Variants in PPP2R2B observed in about 807,000 individuals in gnomAD.
PPP2R2B encodes serine/threonine-protein phosphatase 2A 55 kDa regulatory subunit B beta isoform.
In PPP2R2B, 5 loss-of-function variants were observed where a neutral mutation model predicts 46.0. The ratio of observed to expected loss-of-function variants is 0.11; its 90% confidence interval spans 0.06 to 0.23. The LOEUF (loss-of-function observed/expected upper bound fraction) is 0.23. Ranked by LOEUF, PPP2R2B falls within the 10% of genes least tolerant of loss-of-function variation. PPP2R2B has a pLI of 1.00. For missense variants in PPP2R2B, 367 were observed against 575.0 expected (o/e 0.64, Z 3.70); for synonymous variants, 215 against 206.7 (o/e 1.04, Z -0.34).
chr5:146,682,698 T>C (rs971984949), intron 5 of PPP2R2B, among the ~76,000 whole-genome samples: 2 of 152,200 alleles, frequency 1.3e-5, no homozygotes, highest in Non-Finnish European at 2.9e-5. Context: ...GCAATAGTGT[T>C]ACTATTATAG....
At chr5:146,769,592 C>T (rs772870417) in intron 2 of PPP2R2B, among the ~76,000 whole-genome samples, 23 of 152,142 alleles carry the variant, frequency 1.5e-4, no homozygotes, top group Non-Finnish European at 2.2e-4. Flanking sequence ...ATGAATGACA[C>T]GGAACATATC....
At chr5:146,928,405 C>T (rs1468086876) in intron 1 of PPP2R2B, among the ~76,000 whole-genome samples, 1 of 151,976 alleles carries the variant, frequency 6.6e-6, no homozygotes, top group Non-Finnish European at 1.5e-5. Flanking sequence ...GGGCCTCTTC[C>T]ACCTATAGGC....
intron 2 of PPP2R2B, among the ~76,000 whole-genome samples, chr5:146,868,653 C>A (rs769335086): frequency 1.2e-5 from 1 of 85,162 alleles, no homozygotes; most frequent in African/African-American, 4.2e-5. Context: ...TAACTGCTTA[C>A]GATACTGCAT....
At chr5:146,709,871 T>C (rs1179263614) in intron 2 of PPP2R2B, among the ~76,000 whole-genome samples, 1 of 152,252 alleles carries the variant, frequency 6.6e-6, no homozygotes, top group African/African-American at 2.4e-5. Flanking sequence ...TATATTCATC[T>C]AAATTCATGC....
intron 2 of PPP2R2B, among the ~76,000 whole-genome samples, chr5:146,812,813 A>ATATATG (rs1554140177): frequency 1.9e-4 from 13 of 67,708 alleles, no homozygotes; most frequent in African/African-American, 4.0e-4. Context: ...ATATATATAT[A>ATATATG]TATATATATA....
chr5:147,055,994 T>C, upstream of PPP2R2B: 10 of 1,321,316 alleles, frequency 7.6e-6, no homozygotes, highest in Non-Finnish European at 9.7e-6. Context: ...ATATAGCCTC[T>C]TCATTGGCTG....
chr5:147,036,762 G>A (rs1433901833), intron 1 of PPP2R2B, among the ~76,000 whole-genome samples: 4 of 152,078 alleles, frequency 2.6e-5, no homozygotes, highest in Non-Finnish European at 4.4e-5. Context: ...ATTATTTTAC[G>A]CATTTGGAGG....
intron 5 of PPP2R2B, among the ~76,000 whole-genome samples, chr5:146,659,135 T>A (rs908993395): frequency 6.6e-6 from 1 of 152,144 alleles, no homozygotes; most frequent in Non-Finnish European, 1.5e-5. Flanking sequence ...TTAAAAAAAA[T>A]TTGTTCACAT....
At chr5:147,072,676 C>T (rs1413942894) in intron 2 of PPP2R2B, among the ~76,000 whole-genome samples, 1 of 152,114 alleles carries the variant, frequency 6.6e-6, no homozygotes, top group Non-Finnish European at 1.5e-5. Flanking sequence ...AGTCTGATCT[C>T]GTAAAACCTG....
At chr5:146,646,377 T>C (rs1298665398) in intron 6 of PPP2R2B, among the ~76,000 whole-genome samples, 3 of 152,248 alleles carry the variant, frequency 2.0e-5, no homozygotes, top group African/African-American at 7.2e-5. Flanking sequence ...TAAATTTTCA[T>C]TTATTGCTAT....
intron 5 of PPP2R2B, among the ~76,000 whole-genome samples, chr5:146,658,444 T>C (rs1239413156): frequency 6.6e-6 from 1 of 152,166 alleles, no homozygotes. Flanking sequence ...GAGTAAGTTG[T>C]CATAAAAATG....
chr5:147,049,694 A>C (rs1295958225), intron 1 of PPP2R2B, among the ~76,000 whole-genome samples: 1 of 152,126 alleles, frequency 6.6e-6, no homozygotes, highest in Admixed American at 6.6e-5. Flanking sequence ...AGGCCAAGAC[A>C]AGAAATCCCT....
intron 1 of PPP2R2B, among the ~76,000 whole-genome samples, chr5:146,918,911 C>A (rs184888981): frequency 6.6e-6 from 1 of 152,320 alleles, no homozygotes; most frequent in African/African-American, 2.4e-5. Flanking sequence ...TTAAATTGCA[C>A]CTTTTCTGCT....
At chr5:146,630,926 GA>G (rs1774384285) in intron 7 of PPP2R2B, among the ~76,000 whole-genome samples, 1 of 152,166 alleles carries the variant, frequency 6.6e-6, no homozygotes, top group South Asian at 2.1e-4. Context: ...TTGAAGCACA[GA>G]GGTTAGGTAA....
At chr5:146,925,404 G>A (rs1763750139) in intron 1 of PPP2R2B, among the ~76,000 whole-genome samples, 2 of 152,150 alleles carry the variant, frequency 1.3e-5, no homozygotes, top group Admixed American at 1.3e-4. Flanking sequence ...GGATAGTTTT[G>A]TTAGATACAG....
chr5:146,873,149 A>G (rs1157043289), intron 2 of PPP2R2B, among the ~76,000 whole-genome samples: 1 of 152,152 alleles, frequency 6.6e-6, no homozygotes, highest in East Asian at 1.9e-4. Flanking sequence ...ATCCATTTTC[A>G]TGGCAAAATT....
chr5:146,737,608 A>G (rs1752616709), intron 2 of PPP2R2B, among the ~76,000 whole-genome samples: 1 of 152,152 alleles, frequency 6.6e-6, no homozygotes, highest in Non-Finnish European at 1.5e-5. Context: ...TTTTTTTGCC[A>G]CATTAGTAAT....
rs888340859 is a variant in PPP2R2B, at chr5:146,589,862, C to T, written c.*85G>A. The T allele has an allele frequency of 2.3e-6, 3 of 1,290,932 alleles. No homozygotes were observed. The highest frequency in any genetic ancestry group is 3.3e-6 in the Non-Finnish European group (3 of 919,734). The allele number at this position is 1,290,932 out of a possible 1,614,324, so 80.0% of individuals were successfully genotyped here. A position where few individuals can be genotyped will look rare whatever the true frequency, so the allele number is the denominator to read the frequency against. ...CTGTATAGGGAAATTAAAGTCAATGCATCAAATGAAGACCCAAAGAAACAT... is the reference window on the plus strand; with the variant it reads ...CTGTATAGGGAAATTAAAGTCAATGTATCAAATGAAGACCCAAAGAAACAT... On this transcript the variant is annotated 3_prime_UTR_variant, in exon 10 of 10. Transcript: ENST00000394411.
At chr5:146,630,163 G>T (rs1267222040) in intron 7 of PPP2R2B, among the ~76,000 whole-genome samples, 3 of 152,112 alleles carry the variant, frequency 2.0e-5, no homozygotes, top group Non-Finnish European at 2.9e-5. Context: ...TCCATCCACT[G>T]ATCTTTTTTC....
Sources: allele counts gnomAD v4.1 joint callset (sites outside exome capture counted in the v4.1 genomes callset), GRCh38; gene constraint gnomAD v4.1.1; transcripts MANE v1.5; gene names NCBI Gene and HGNC (gene_info 2026-07-23, HGNC 2026-07-21).